PMM2: variants seen among roughly 807,000 people sequenced by gnomAD.
PMM2 encodes the protein mannose-6-phosphate isomerase.
In PMM2, 35 loss-of-function variants were observed where a neutral mutation model predicts 33.2. The observed-to-expected ratio is 1.06, with a 90% CI of 0.81 to 1.40. PMM2 has a LOEUF of 1.40. PMM2 is among the 40% of genes most tolerant of loss of function. The pLI, the probability that PMM2 is intolerant of heterozygous loss-of-function variation, is 0.00. For missense variants in PMM2, 386 were observed against 306.0 expected (o/e 1.26, Z -1.95); for synonymous variants, 153 against 114.7 (o/e 1.33, Z -2.13).
chr16:8,819,320 A>G (rs1240611703), intron 7 of PMM2, among the ~76,000 whole-genome samples: 1 of 152,208 alleles, frequency 6.6e-6, no homozygotes, highest in Non-Finnish European at 1.5e-5. Flanking sequence ...GCAGGACAAT[A>G]TAAGTAATGT....
chr16:8,849,231 C>G lies in PMM2; in HGVS notation c.*1406C>G, dbSNP rs1052840996. Reference sequence around the variant, plus strand: ...GCAGCCAGCTCATCCCAGTGACTCACAGGACACAGCCATCCAGCGGCATCT... The same window carrying G: ...GCAGCCAGCTCATCCCAGTGACTCAGAGGACACAGCCATCCAGCGGCATCT... On this transcript the variant is annotated 3_prime_UTR_variant, in exon 8 of 8. Coordinates refer to ENST00000268261, the MANE Select transcript of PMM2 (RefSeq NM_000303.3). 1 of 152,348 alleles carries G rather than the reference C, an allele frequency of 6.6e-6. No homozygotes were observed. The highest frequency in any genetic ancestry group is 1.9e-4 in the East Asian group (1 of 5,204). 9.4% of individuals were successfully genotyped at this position (152,348 alleles called of 1,614,324 possible).
chr16:8,833,685 T>C (rs887507367), intron 7 of PMM2, among the ~76,000 whole-genome samples: 1 of 150,774 alleles, frequency 6.6e-6, no homozygotes, highest in Non-Finnish European at 1.5e-5. Flanking sequence ...AGAAGAAACA[T>C]CTGTCGTATA....
rs760221434 is a variant in PMM2 at position 8,812,995 on chromosome 16, C to T, written c.528C>T (p.Gly176=). The change falls in exon 7 of 8, where the codon GGC becomes GGT. Residue 176 remains glycine, a synonymous_variant. Coordinates refer to ENST00000268261, the MANE Select transcript of PMM2 (RefSeq NM_000303.3). ...TGCCCCGTCCCCACCCGGCAGGAGG[C>T]CAGATCAGCTTTGATGTCTTTCCTG... The part of the protein sequence containing the change: ...AGKGLTFSIG[G]QISFDVFPDG... 2 of 1,598,802 alleles carry T rather than the reference C, an allele frequency of 1.3e-6. No individual in the cohort carries two copies. Among genetic ancestry groups the T allele is most frequent in the East Asian group, 2.2e-5 (1 of 44,826 alleles).
intron 7 of PMM2, among the ~76,000 whole-genome samples, chr16:8,813,406 G>A (rs1489916872): frequency 6.6e-6 from 1 of 152,168 alleles, no homozygotes; most frequent in Non-Finnish European, 1.5e-5. Flanking sequence ...CGGTGCCACT[G>A]TCAAACCCTC....
intron 7 of PMM2, among the ~76,000 whole-genome samples, chr16:8,827,302 A>G (rs1290932357): frequency 6.6e-6 from 1 of 152,094 alleles, no homozygotes; most frequent in Non-Finnish European, 1.5e-5. Flanking sequence ...TTGACTGAGA[A>G]GAAAGACAAA....
chr16:8,804,407 G>A (rs1233012662), intron 2 of PMM2, among the ~76,000 whole-genome samples: 1 of 152,116 alleles, frequency 6.6e-6, no homozygotes, highest in Non-Finnish European at 1.5e-5. Context: ...GGAAGCGAGA[G>A]AGCAAAGCTT....
intron 1 of PMM2, 44 bp downstream of exon 1, chr16:8,797,992 G>C (rs2060589252): frequency 1.9e-6 from 3 of 1,555,756 alleles, no homozygotes; most frequent in South Asian, 2.3e-5. Flanking sequence ...CGCGGAGCCC[G>C]TGCTGTTCCC....
intron 1 of PMM2, among the ~76,000 whole-genome samples, chr16:8,800,671 TTTTTTTTTTTG>T (rs756408241): frequency 7.1e-4 from 91 of 127,828 alleles, no homozygotes; most frequent in Non-Finnish European, 1.3e-3. Flanking sequence ...TCTCCTTTTT[TTTTTTTTTTTG>T]TTTTGTTTTG....
At chr16:8,842,525 AAG>A (rs1173287521) in intron 7 of PMM2, 1 of 152,234 alleles carries the variant, frequency 6.6e-6, no homozygotes, top group Admixed American at 6.5e-5. Context: ...GGTGAAAGCA[AAG>A]AGAGGCTGGG....
At chr16:8,838,081 G>A (rs2060863551) in intron 7 of PMM2, among the ~76,000 whole-genome samples, 1 of 152,128 alleles carries the variant, frequency 6.6e-6, no homozygotes, top group Non-Finnish European at 1.5e-5. Context: ...GTCAGCAAAG[G>A]GTGGTGGATT....
intron 7 of PMM2, among the ~76,000 whole-genome samples, chr16:8,840,239 T>TA (rs2060881106): frequency 6.6e-6 from 1 of 151,236 alleles, no homozygotes; most frequent in Non-Finnish European, 1.5e-5. Flanking sequence ...TAAGAGTGAG[T>TA]ATAAAAGTAA....
In PMM2 at chr16:8,797,955, G is replaced by T; in HGVS notation, c.66+7G>T. 1 of 1,596,202 alleles carries T rather than the reference G, an allele frequency of 6.3e-7. No individual in the cohort carries two copies. The highest frequency in any genetic ancestry group is 8.5e-7 in the Non-Finnish European group (1 of 1,172,468). ...CCTCACCGCCCCGCGGCAGGTAAGTGGCGGCCGGCGGGCTGCTGGCAGCCG... is the reference window on the plus strand; with the variant it reads ...CCTCACCGCCCCGCGGCAGGTAAGTTGCGGCCGGCGGGCTGCTGGCAGCCG... On this transcript the variant is annotated splice_region_variant and intron_variant, in intron 1 of 7. Transcript: ENST00000268261.
intron 7 of PMM2, among the ~76,000 whole-genome samples, chr16:8,830,646 G>A (rs2060804283): frequency 6.6e-6 from 1 of 152,194 alleles, no homozygotes; most frequent in South Asian, 2.1e-4. Context: ...AATACCTCAA[G>A]CACTGATCTT....
intron 6 of PMM2, 63 bp from the exon 7 acceptor site, chr16:8,812,928 A>C (rs2060685404): frequency 1.1e-6 from 1 of 920,206 alleles, no homozygotes; most frequent in African/African-American, 1.6e-5. Flanking sequence ...TGTTTTTTTC[A>C]GTGACATATC....
chr16:8,801,782 T>A lies in PMM2; in HGVS notation c.67-17T>A. 2.6e-6 allele frequency: 4 copies of A among 1,519,894 alleles called. No individual in the cohort carries two copies. Among genetic ancestry groups the A allele is most frequent in the Non-Finnish European group, 3.6e-6 (4 of 1,100,536 alleles). 94.2% of individuals were successfully genotyped at this position (1,519,894 alleles called of 1,614,324 possible). A position where few individuals can be genotyped will look rare whatever the true frequency, so the allele number is the denominator to read the frequency against. On this transcript the variant is annotated splice_polypyrimidine_tract_variant and intron_variant, in intron 1 of 7. Transcript: ENST00000268261. ...TGTGTGGCTTATGACTGTTGTATTT[T>A]CTTTCTTGAAATTTAGAAAATTACC... is the stretch of plus-strand genomic sequence containing the variant.
intron 1 of PMM2, among the ~76,000 whole-genome samples, chr16:8,798,540 G>A (rs2141014611): frequency 6.6e-6 from 1 of 152,234 alleles, no homozygotes; most frequent in Non-Finnish European, 1.5e-5. Flanking sequence ...AACACACTAG[G>A]CCTCAGTAAA....
chr16:8,839,775 T>C, intron 7 of PMM2, among the ~76,000 whole-genome samples: 1 of 151,760 alleles, frequency 6.6e-6, no homozygotes, highest in East Asian at 1.9e-4. Flanking sequence ...AGGTGAAAGA[T>C]TACCTAGGGG....
intron 7 of PMM2, among the ~76,000 whole-genome samples, chr16:8,825,326 C>T (rs2060760615): frequency 6.6e-6 from 1 of 150,400 alleles, no homozygotes; most frequent in Admixed American, 6.6e-5. Context: ...CCACTGTGCC[C>T]GGCCTGTTGT....
chr16:8,833,136 AAG>A (rs1176094745), intron 7 of PMM2, among the ~76,000 whole-genome samples: 3 of 152,182 alleles, frequency 2.0e-5, no homozygotes, highest in Admixed American at 6.5e-5. Context: ...TGAGTCCCAA[AAG>A]AGAGTCAGCA....
Sources: gnomAD v4.1 joint callset for allele counts (sites outside exome capture counted in the v4.1 genomes callset) on GRCh38, gnomAD v4.1.1 for gene constraint, MANE v1.5 for transcripts, NCBI Gene and HGNC (gene_info 2026-07-23, HGNC 2026-07-21) for gene names.